SHC4: variants seen among roughly 807,000 people sequenced by gnomAD.
The protein encoded by SHC4 is SHC adaptor protein 4.
A neutral mutation model predicts 69.4 loss-of-function variants in SHC4; 41 were observed. The observed-to-expected ratio is 0.59, with a 90% CI of 0.46 to 0.77. The LOEUF is 0.77. Among genes scored for constraint, SHC4 ranks in the 30% least tolerant of loss-of-function variants. The pLI is 0.00. For missense variants in SHC4, 777 were observed against 783.8 expected (o/e 0.99, Z 0.10); for synonymous variants, 318 against 299.3 (o/e 1.06, Z -0.64).
At position 48,834,828 on chromosome 15, in the gene SHC4, G is replaced by A; in HGVS notation, c.1678C>T (p.Leu560=). 2 of 1,614,142 alleles carry A rather than the reference G, an allele frequency of 1.2e-6. No individual in the cohort carries two copies. The part of the protein sequence containing the change: ...ESATSPGQYV[L]SGLQGGQAKH... ...GCTTGGCCTCCCTGTAGTCCACTCAGCACATATTGGCCAGGGGATGTTGCA... is the reference window on the plus strand; with the variant it reads ...GCTTGGCCTCCCTGTAGTCCACTCAACACATATTGGCCAGGGGATGTTGCA... Residue 560 remains leucine (L), a synonymous_variant, in exon 11 of 12, where the codon CTG becomes TTG. Coordinates refer to ENST00000332408, the MANE Select transcript of SHC4 (RefSeq NM_203349.4).
chr15:48,919,733 A>C (rs770370461), intron 2 of SHC4, among the ~76,000 whole-genome samples: 9 of 152,086 alleles, frequency 5.9e-5, no homozygotes, highest in Non-Finnish European at 7.4e-5. Context: ...CCCTAGCTCA[A>C]ATGTCCTCTC....
intron 1 of SHC4, among the ~76,000 whole-genome samples, chr15:48,953,291 A>T (rs1901394637): frequency 1.3e-5 from 2 of 152,186 alleles, no homozygotes; most frequent in Admixed American, 1.3e-4. Flanking sequence ...GAGGAGGGAG[A>T]GGATTAGGAA....
intron 9 of SHC4, among the ~76,000 whole-genome samples, chr15:48,845,772 T>G (rs888588007): frequency 6.6e-6 from 1 of 152,226 alleles, no homozygotes; most frequent in African/African-American, 2.4e-5. Context: ...TATCTAATGA[T>G]AGCATCCAGC....
intron 4 of SHC4, among the ~76,000 whole-genome samples, chr15:48,872,511 C>T (rs1355001888): frequency 6.6e-6 from 1 of 152,144 alleles, no homozygotes; most frequent in Admixed American, 6.5e-5. Flanking sequence ...CTTCTAGGGG[C>T]CATATTATGC....
chr15:48,889,030 G>A (rs1004696311), intron 3 of SHC4, among the ~76,000 whole-genome samples: 6 of 152,272 alleles, frequency 3.9e-5, no homozygotes, highest in Non-Finnish European at 8.8e-5. Context: ...CATGCCAGCT[G>A]TTGAAGGAAA....
intron 6 of SHC4, among the ~76,000 whole-genome samples, chr15:48,863,573 C>A (rs1873728048): frequency 6.6e-6 from 1 of 152,122 alleles, no homozygotes; most frequent in Non-Finnish European, 1.5e-5. Context: ...AATAAAACTA[C>A]TGGTTCAAAG....
In SHC4 at chr15:48,857,752, GC is replaced by G; in HGVS notation, c.1009del (p.Ala337LeufsTer10). 6.2e-7 allele frequency: 1 copy of G among 1,606,786 alleles called. No individual in the cohort carries two copies. The highest frequency in any genetic ancestry group is 8.5e-7 in the Non-Finnish European group (1 of 1,175,574). ...GTACTGTTTAAACCGGAGTTCAAAAGCCTGCCCTATGGTACTTATGACGTCT... is the reference window on the plus strand; with the variant it reads ...GTACTGTTTAAACCGGAGTTCAAAAGCTGCCCTATGGTACTTATGACGTCT... ...AQDVISTIGQ[A>X]FELRFKQYLK... On this transcript the variant is annotated frameshift_variant, in exon 7 of 12. Coordinates refer to ENST00000332408, the MANE Select transcript of SHC4 (RefSeq NM_203349.4). LOFTEE classifies it high-confidence loss of function.
intron 2 of SHC4, among the ~76,000 whole-genome samples, chr15:48,915,415 A>G (rs1038285579): frequency 6.6e-6 from 1 of 152,216 alleles, no homozygotes; most frequent in Non-Finnish European, 1.5e-5. Flanking sequence ...TATCTCAAGT[A>G]TCTGAAAAGT....
intron 6 of SHC4, among the ~76,000 whole-genome samples, chr15:48,862,347 G>A (rs1899463481): frequency 6.6e-6 from 1 of 152,030 alleles, no homozygotes; most frequent in African/African-American, 2.4e-5. Context: ...AGACAATGTG[G>A]ATTTCCTCAT....
At chr15:48,923,981 A>G (rs1900799517) in intron 2 of SHC4, among the ~76,000 whole-genome samples, 1 of 152,144 alleles carries the variant, frequency 6.6e-6, no homozygotes, top group South Asian at 2.1e-4. Context: ...AGTCTCCTAA[A>G]GAGTGATGTG....
chr15:48,925,084 A>T, intron 1 of SHC4, 135 bp from the exon 2 acceptor site: 1 of 821,252 alleles, frequency 1.2e-6, no homozygotes, highest in Middle Eastern at 2.2e-4. Flanking sequence ...TCTGCCTACA[A>T]CTGTTATTTC....
intron 3 of SHC4, among the ~76,000 whole-genome samples, chr15:48,889,117 G>A (rs1345591990): frequency 6.6e-6 from 1 of 152,102 alleles, no homozygotes; most frequent in Non-Finnish European, 1.5e-5. Flanking sequence ...TTTTATTTTG[G>A]GATGGGGAAT....
At chr15:48,849,366 C>A (rs537479693) in intron 9 of SHC4, among the ~76,000 whole-genome samples, 1 of 152,234 alleles carries the variant, frequency 6.6e-6, no homozygotes, top group East Asian at 1.9e-4. Flanking sequence ...TACAGCCTCC[C>A]CAATTAAGTT....
At chr15:48,834,738 T>G in intron 11 of SHC4, 31 bp downstream of exon 11, 1 of 1,610,516 alleles carries the variant, frequency 6.2e-7, no homozygotes, top group Non-Finnish European at 8.5e-7. Flanking sequence ...AACAACATCC[T>G]GTGAAACCTC....
At chr15:48,827,138 C>T (rs1209396488) in intron 11 of SHC4, among the ~76,000 whole-genome samples, 1 of 152,134 alleles carries the variant, frequency 6.6e-6, no homozygotes, top group African/African-American at 2.4e-5. Context: ...AAGGGGAAGG[C>T]ATGCAACAAG....
At chr15:48,852,653 G>C (rs1253984423) in intron 8 of SHC4, among the ~76,000 whole-genome samples, 3 of 152,148 alleles carry the variant, frequency 2.0e-5, no homozygotes, top group African/African-American at 7.2e-5. Flanking sequence ...TGTAATCTCA[G>C]CAATTTTGGA....
In SHC4 at chr15:48,825,883, T is replaced by G. The variant is rs917600652; in HGVS notation, c.*88A>C. On this transcript the variant is annotated 3_prime_UTR_variant, in exon 12 of 12. Transcript: ENST00000332408. Reference sequence around the variant, plus strand: ...TGCACTTCACAGTTTGTGCTCTATTTTATCTACAAACAAAGTTTAAATTAT... The same window carrying G: ...TGCACTTCACAGTTTGTGCTCTATTGTATCTACAAACAAAGTTTAAATTAT... The G allele has an allele frequency of 1.3e-6, 2 of 1,490,480 alleles. No individual in the cohort carries two copies. The highest frequency in any genetic ancestry group is 2.8e-5 in the African/African-American group (2 of 71,552). 92.3% of individuals were successfully genotyped at this position (1,490,480 alleles called of 1,614,324 possible).
intron 2 of SHC4, among the ~76,000 whole-genome samples, chr15:48,924,134 G>A (rs1373694871): frequency 6.6e-6 from 1 of 152,126 alleles, no homozygotes; most frequent in African/African-American, 2.4e-5. Flanking sequence ...GATCTACTGT[G>A]GCATGCCCCT....
At chr15:48,920,195 G>A (rs1345977056) in intron 2 of SHC4, among the ~76,000 whole-genome samples, 1 of 130,816 alleles carries the variant, frequency 7.6e-6, no homozygotes, top group East Asian at 2.4e-4. Context: ...TTTTTTTTTT[G>A]TATTTTTAGT....
Sources: allele counts gnomAD v4.1 joint callset (sites outside exome capture counted in the v4.1 genomes callset), GRCh38; gene constraint gnomAD v4.1.1; transcripts MANE v1.5; gene names NCBI Gene and HGNC (gene_info 2026-07-23, HGNC 2026-07-21).